PPP2R2C: variants seen among roughly 807,000 people sequenced by gnomAD.
PPP2R2C encodes the protein protein phosphatase 2, regulatory subunit B, gamma.
In PPP2R2C, 10 loss-of-function variants were observed where a neutral mutation model predicts 45.3. The ratio of observed to expected loss-of-function variants is 0.22; its 90% CI spans 0.14 to 0.37. The LOEUF (loss-of-function observed/expected upper bound fraction) is 0.37, where lower values mean the gene tolerates loss of function less well. Among genes scored for constraint, PPP2R2C ranks in the 10% least tolerant of loss-of-function variants. The probability of loss-of-function intolerance (pLI) is 1.00; values close to 1 mark genes in which losing one functional copy is unlikely to be tolerated. For missense variants in PPP2R2C, 308 were observed against 619.7 expected, an observed-to-expected ratio of 0.50 and a Z score of 5.34; for synonymous variants, 257 against 245.4, an observed-to-expected ratio of 1.05 and a Z score of -0.44.
intron 3 of PPP2R2C, 129 bp from the exon 4 acceptor site, chr4:6,376,060 T>C (rs1321940532): frequency 2.9e-5 from 22 of 753,840 alleles, no homozygotes; most frequent in Non-Finnish European, 4.6e-5. Flanking sequence ...ACAGACGGCT[T>C]TGGACCAGAA....
At chr4:6,544,399 G>A (rs143007759) in intron 1 of PPP2R2C, among the ~76,000 whole-genome samples, 2,751 of 152,276 alleles carry the variant, frequency 0.018, 37 homozygotes, top group Non-Finnish European at 0.029. Context: ...TTGGAGTGCA[G>A]TGGCATGATC....
chr4:6,510,901 C>T (rs956987008), intron 2 of PPP2R2C, among the ~76,000 whole-genome samples: 5 of 149,040 alleles, frequency 3.4e-5, no homozygotes, highest in African/African-American at 4.9e-5. Flanking sequence ...TGCTGGAACC[C>T]GGGAGGCAAA....
At chr4:6,557,471 G>C (rs1167164856) in intron 1 of PPP2R2C, among the ~76,000 whole-genome samples, 1 of 152,204 alleles carries the variant, frequency 6.6e-6, no homozygotes, top group Non-Finnish European at 1.5e-5. Flanking sequence ...GACGTATTTA[G>C]CTGGGAGGCA....
At chr4:6,437,865 G>C (rs1015981605) in intron 1 of PPP2R2C, among the ~76,000 whole-genome samples, 1 of 149,794 alleles carries the variant, frequency 6.7e-6, no homozygotes, top group East Asian at 2.0e-4. Flanking sequence ...CTGTTTTTAC[G>C]TGCATCGGCT....
intron 1 of PPP2R2C, among the ~76,000 whole-genome samples, chr4:6,550,031 G>A (rs540094253): frequency 4.5e-4 from 68 of 152,110 alleles, no homozygotes; most frequent in Non-Finnish European, 8.1e-4. Flanking sequence ...CCTTGTCACC[G>A]CAGCACGAGG....
At chr4:6,481,702 G>C (rs1205380535) in intron 2 of PPP2R2C, among the ~76,000 whole-genome samples, 1 of 151,638 alleles carries the variant, frequency 6.6e-6, no homozygotes, top group African/African-American at 2.4e-5. Context: ...GTTGGGGCCC[G>C]GCATGGTAAC....
At chr4:6,354,844 T>G in intron 5 of PPP2R2C, among the ~76,000 whole-genome samples, 1 of 152,062 alleles carries the variant, frequency 6.6e-6, no homozygotes, top group East Asian at 1.9e-4. Context: ...CAGGCCCCAT[T>G]GCCCCTTAGA....
At chr4:6,395,978 C>G (rs1717003452) in intron 1 of PPP2R2C, among the ~76,000 whole-genome samples, 1 of 152,190 alleles carries the variant, frequency 6.6e-6, no homozygotes, top group Non-Finnish European at 1.5e-5. Context: ...CAAGGAGTGG[C>G]TTTGGAGATG....
chr4:6,504,240 C>A (rs572553554), intron 2 of PPP2R2C, among the ~76,000 whole-genome samples: 8 of 152,286 alleles, frequency 5.3e-5, no homozygotes, highest in African/African-American at 1.7e-4. Flanking sequence ...GTCAAACAGT[C>A]CACCAAAGGC....
chr4:6,481,784 GC>G (rs1722358454), intron 2 of PPP2R2C, among the ~76,000 whole-genome samples: 1 of 151,930 alleles, frequency 6.6e-6, no homozygotes, highest in South Asian at 2.1e-4. Flanking sequence ...TTCGAGACAA[GC>G]CTGGTCAACA....
chr4:6,522,649 C>T lies in PPP2R2C; in HGVS notation c.49+12622G>A, dbSNP rs1032866662. Reference sequence around the variant, plus strand: ...CAAATGTGGGCCCAGGGGCTGGCTGCGTGAGCACCCAGAAGTGGCCACAGG... The same window carrying T: ...CAAATGTGGGCCCAGGGGCTGGCTGTGTGAGCACCCAGAAGTGGCCACAGG... On this transcript the variant is annotated intron_variant, in intron 2 of 9. Transcript: ENST00000506140. Among the ~76,000 whole-genome samples the T allele has an allele frequency of 5.9e-5, 9 of 152,260 alleles. No homozygotes were observed. The East Asian group carries it at 1.5e-3, about 26-fold the overall frequency.
At chr4:6,487,347 T>C (rs1473346189) in intron 2 of PPP2R2C, among the ~76,000 whole-genome samples, 1 of 151,818 alleles carries the variant, frequency 6.6e-6, no homozygotes, top group African/African-American at 2.4e-5. Flanking sequence ...TAGTATCACT[T>C]TCATTCTGTT....
intron 1 of PPP2R2C, among the ~76,000 whole-genome samples, chr4:6,557,502 G>A (rs1483317826): frequency 6.6e-6 from 1 of 152,206 alleles, no homozygotes. Flanking sequence ...CTGGAGAGAG[G>A]ACATGGAAGC....
In PPP2R2C at chr4:6,347,105, C is replaced by G. The variant is rs184737903; in HGVS notation, c.790+741G>C. Among the ~76,000 whole-genome samples the G allele has an allele frequency of 1.1e-4, 16 of 152,312 alleles. No individual in the cohort carries two copies. In the East Asian group the frequency reaches 2.9e-3, roughly 28 times the overall value. ...ATGGCCACAACCCAGTGCCAGGCAGCCCAGCTCTGCCACGATTGAATTTGG... is the reference window on the plus strand; with the variant it reads ...ATGGCCACAACCCAGTGCCAGGCAGGCCAGCTCTGCCACGATTGAATTTGG... On this transcript the variant is annotated intron_variant, in intron 6 of 8. Coordinates refer to ENST00000382599, the MANE Select transcript of PPP2R2C (RefSeq NM_020416.4).
chr4:6,541,915 A>G (rs1490618861), intron 1 of PPP2R2C, among the ~76,000 whole-genome samples: 1 of 152,236 alleles, frequency 6.6e-6, no homozygotes, highest in Admixed American at 6.5e-5. Context: ...TGACTGAGCT[A>G]CTGATTCCCT....
At chr4:6,556,142 AC>A (rs1336005315) in intron 1 of PPP2R2C, among the ~76,000 whole-genome samples, 10 of 152,092 alleles carry the variant, frequency 6.6e-5, no homozygotes, top group African/African-American at 2.4e-4. Flanking sequence ...TGTCAACTTG[AC>A]GGGGCCACGG....
At chr4:6,551,028 C>A (rs1287378033) in intron 1 of PPP2R2C, among the ~76,000 whole-genome samples, 1 of 152,182 alleles carries the variant, frequency 6.6e-6, no homozygotes, top group Non-Finnish European at 1.5e-5. Context: ...GCCTCCGGGG[C>A]CATGGAGCCT....
intron 1 of PPP2R2C, among the ~76,000 whole-genome samples, chr4:6,394,676 C>T (rs1277288372): frequency 6.6e-6 from 1 of 152,238 alleles, no homozygotes. Context: ...CTGATGCGGA[C>T]CTATCACTTG....
chr4:6,488,401 T>C (rs1387818651), intron 2 of PPP2R2C, among the ~76,000 whole-genome samples: 3 of 152,164 alleles, frequency 2.0e-5, no homozygotes, highest in African/African-American at 4.8e-5. Flanking sequence ...AGTTTGATCC[T>C]GGCCAGGCAT....
Sources: gnomAD v4.1 joint callset for allele counts (sites outside exome capture counted in the v4.1 genomes callset) on GRCh38, gnomAD v4.1.1 for gene constraint, MANE v1.5 for transcripts, NCBI Gene and HGNC (gene_info 2026-07-23, HGNC 2026-07-21) for gene names.